Variants in ADAMTSL1 observed in about 807,000 individuals in gnomAD.
ADAMTSL1 encodes the protein ADAMTS like 1, also known as ADAMTS-like protein 1.
In ADAMTSL1, 126 loss-of-function variants were observed where a neutral mutation model predicts 201.8. That is an observed-to-expected ratio of 0.62 (90% CI 0.54 to 0.72). The LOEUF (loss-of-function observed/expected upper bound fraction) is 0.72, where lower values mean the gene tolerates loss of function less well. Among genes scored for constraint, ADAMTSL1 ranks in the 30% least tolerant of loss-of-function variants. ADAMTSL1 has a pLI of 0.00. For synonymous variants in ADAMTSL1, 1,121 were observed against 903.4 expected (o/e 1.24, Z -4.32); for missense variants, 2,679 against 2,277.8 (o/e 1.18, Z -3.59).
At chr9:18,195,382 A>AT (rs1829134868) in intron 2 of ADAMTSL1, among the ~76,000 whole-genome samples, 1 of 151,974 alleles carries the variant, frequency 6.6e-6, no homozygotes, top group African/African-American at 2.4e-5. Context: ...CACTTTTATG[A>AT]TTTTATTTTA....
chr9:18,113,012 T>A (rs767861121), intron 1 of ADAMTSL1, among the ~76,000 whole-genome samples: 31 of 152,118 alleles, frequency 2.0e-4, no homozygotes, highest in Non-Finnish European at 3.2e-4. Flanking sequence ...GTCCAGGGCT[T>A]TTTCTCCAAC....
At chr9:18,301,845 C>T (rs568659765) in intron 2 of ADAMTSL1, among the ~76,000 whole-genome samples, 28 of 152,280 alleles carry the variant, frequency 1.8e-4, no homozygotes, top group Non-Finnish European at 2.6e-4. Flanking sequence ...TCTAAGTGTT[C>T]TAGCACTTTT....
intron 1 of ADAMTSL1, among the ~76,000 whole-genome samples, chr9:18,068,895 A>C (rs1386390805): frequency 6.6e-6 from 1 of 152,208 alleles, no homozygotes; most frequent in African/African-American, 2.4e-5. Flanking sequence ...TCTGGGACCT[A>C]GAAGAGGTTA....
At chr9:18,575,007 G>C (rs1217823904) in intron 4 of ADAMTSL1, among the ~76,000 whole-genome samples, 1 of 152,140 alleles carries the variant, frequency 6.6e-6, no homozygotes, top group Non-Finnish European at 1.5e-5. Context: ...TCTGTGTGCT[G>C]TATTTGACTA....
At position 18,468,127 on chromosome 9, in the gene ADAMTSL1, T is replaced by C. The variant is rs142399859; in HGVS notation, c.208-36702T>C. ...CAGTTTATTTGTTGCCAAGATTCTC[T>C]GTAGCATTGTGCATTGCATACAGTA... On this transcript the variant is annotated intron_variant, in intron 2 of 29. Transcript: ENST00000680146. 2.0e-3 allele frequency among the ~76,000 whole-genome samples: 305 copies of C among 152,338 alleles called. 1 individual carries two copies. The highest frequency in any genetic ancestry group is 0.012 in the South Asian group (58 of 4,830).
intron 2 of ADAMTSL1, among the ~76,000 whole-genome samples, chr9:18,304,394 A>T (rs1833827328): frequency 6.6e-6 from 1 of 151,840 alleles, no homozygotes; most frequent in African/African-American, 2.4e-5. Flanking sequence ...GGGTGTCGGA[A>T]ATGTTTATTT....
intron 1 of ADAMTSL1, among the ~76,000 whole-genome samples, chr9:17,936,708 G>C (rs77379842): frequency 6.6e-6 from 1 of 152,096 alleles, no homozygotes; most frequent in East Asian, 1.9e-4. Flanking sequence ...GCTTACAGCA[G>C]GTACCACCCC....
chr9:18,544,222 A>G (rs1452329767), intron 3 of ADAMTSL1, among the ~76,000 whole-genome samples: 1 of 152,202 alleles, frequency 6.6e-6, no homozygotes, highest in Non-Finnish European at 1.5e-5. Flanking sequence ...TCTTTCTTCC[A>G]CATTGCCTTG....
intron 2 of ADAMTSL1, among the ~76,000 whole-genome samples, chr9:18,374,349 T>G (rs559365686): frequency 1.3e-5 from 2 of 151,990 alleles, no homozygotes; most frequent in African/African-American, 4.8e-5. Flanking sequence ...TTTTTTTATT[T>G]TTTGGGATGG....
intron 1 of ADAMTSL1, among the ~76,000 whole-genome samples, chr9:18,081,810 G>C (rs567093876): frequency 3.9e-5 from 6 of 152,094 alleles, no homozygotes; most frequent in Non-Finnish European, 8.8e-5. Flanking sequence ...ATATGTAAGC[G>C]TATCTGCATT....
chr9:18,124,151 C>T (rs1197139808), intron 1 of ADAMTSL1, among the ~76,000 whole-genome samples: 1 of 131,846 alleles, frequency 7.6e-6, no homozygotes, highest in Non-Finnish European at 1.5e-5. Flanking sequence ...GGCTCCGTCT[C>T]AGCTCACTGC....
At chr9:18,848,228 A>G (rs1826257645) in intron 23 of ADAMTSL1, among the ~76,000 whole-genome samples, 1 of 152,182 alleles carries the variant, frequency 6.6e-6, no homozygotes, top group Non-Finnish European at 1.5e-5. Flanking sequence ...AAAATATTCC[A>G]ACAGAGACCA....
chr9:18,561,095 G>A (rs1821464896), intron 3 of ADAMTSL1, among the ~76,000 whole-genome samples: 1 of 151,894 alleles, frequency 6.6e-6, no homozygotes, highest in South Asian at 2.1e-4. Flanking sequence ...GTTTGCTCTT[G>A]CTTCCCTAGG....
At chr9:18,833,782 G>C (rs909855908) in intron 23 of ADAMTSL1, among the ~76,000 whole-genome samples, 5 of 152,098 alleles carry the variant, frequency 3.3e-5, no homozygotes, top group African/African-American at 7.2e-5. Flanking sequence ...GTTCTGAATG[G>C]CAATGCCGAG....
rs1374848507 is a variant in ADAMTSL1 at position 18,588,733 on chromosome 9, T to C, written c.474+14467T>C. 4.6e-5 allele frequency among the ~76,000 whole-genome samples: 7 copies of C among 151,908 alleles called. No individual in the cohort carries two copies. The South Asian group carries it at 1.5e-3, about 32-fold the overall frequency. On this transcript the variant is annotated intron_variant, in intron 4 of 28. Transcript: ENST00000380548. Reference sequence around the variant, plus strand: ...GAGACTATTCCTTCCCCAGTGCATATTCTTGGGATCTTTGTTGAAAATGGG... The same window carrying C: ...GAGACTATTCCTTCCCCAGTGCATACTCTTGGGATCTTTGTTGAAAATGGG...
intron 2 of ADAMTSL1, among the ~76,000 whole-genome samples, chr9:18,224,975 A>G (rs921678331): frequency 5.9e-5 from 9 of 152,142 alleles, no homozygotes; most frequent in East Asian, 5.8e-4. Flanking sequence ...CTTCATGCAT[A>G]AAACTTTTTC....
rs141059398 is a variant in ADAMTSL1, at chr9:18,374,333, T to C, written c.208-130496T>C. 7.2e-5 allele frequency among the ~76,000 whole-genome samples: 11 copies of C among 151,786 alleles called. No individual in the cohort carries two copies. The East Asian group carries it at 1.9e-3, about 27-fold the overall frequency. ...TTATTTATATTTATTTAATTTTTTT[T>C]AATTTTTTTTTTATTTTTTGGGATG... On this transcript the variant is annotated intron_variant, in intron 2 of 29. Transcript: ENST00000680146.
At chr9:18,038,049 AGT>A (rs898273073) in intron 1 of ADAMTSL1, among the ~76,000 whole-genome samples, 1 of 152,168 alleles carries the variant, frequency 6.6e-6, no homozygotes, top group African/African-American at 2.4e-5. Flanking sequence ...CACTTGGGAA[AGT>A]GTGATTCAAA....
At chr9:17,912,084 A>G (rs12335871) in intron 1 of ADAMTSL1, among the ~76,000 whole-genome samples, 1 of 49,766 alleles carries the variant, frequency 2.0e-5, no homozygotes, top group Non-Finnish European at 6.7e-5. Context: ...CCAGTCTATC[A>G]TTGTTGGACA....
Sources: allele counts gnomAD v4.1 joint callset (sites outside exome capture counted in the v4.1 genomes callset), GRCh38; gene constraint gnomAD v4.1.1; transcripts MANE v1.5; gene names NCBI Gene and HGNC (gene_info 2026-07-23, HGNC 2026-07-21).